Variants in ZNF75A observed in about 807,000 individuals in gnomAD.
ZNF75A encodes zinc finger protein 75A.
ZNF75A carries 36 observed loss-of-function variants against 46.3 expected under a neutral mutation model. The ratio of observed to expected loss-of-function variants is 0.78; its 90% CI spans 0.60 to 1.03. The LOEUF is 1.03. Among genes scored for constraint, ZNF75A ranks in the 50% least tolerant of loss-of-function variants. The probability of loss-of-function intolerance (pLI) is 0.00; values close to 1 mark genes in which losing one functional copy is unlikely to be tolerated. For synonymous variants in ZNF75A, 234 were observed against 189.9 expected (o/e 1.23, Z -1.91); for missense variants, 595 against 551.3 (o/e 1.08, Z -0.79).
intron 1 of ZNF75A, chr16:3,306,161 C>T (rs1960211123): frequency 6.6e-6 from 1 of 152,176 alleles, no homozygotes; most frequent in Non-Finnish European, 1.5e-5. Context: ...TTTCTGCTGG[C>T]TCACTTCAGG....
At chr16:3,315,777 C>T (rs1961162615) in intron 5 of ZNF75A, among the ~76,000 whole-genome samples, 1 of 152,202 alleles carries the variant, frequency 6.6e-6, no homozygotes, top group East Asian at 1.9e-4. Flanking sequence ...TTCCTTGTTT[C>T]AGAAGCCTGT....
intron 5 of ZNF75A, among the ~76,000 whole-genome samples, chr16:3,315,422 C>T (rs1289076292): frequency 6.6e-6 from 1 of 152,106 alleles, no homozygotes; most frequent in East Asian, 1.9e-4. Flanking sequence ...GTCTCCATCT[C>T]CTGACCTTGT....
In ZNF75A at chr16:3,318,022, T is replaced by A; in HGVS notation, c.*153T>A. 7.0e-7 allele frequency: 1 copy of A among 1,418,892 alleles called. No homozygotes were observed. Among genetic ancestry groups the A allele is most frequent in the Non-Finnish European group, 9.1e-7 (1 of 1,093,562 alleles). 87.9% of individuals were successfully genotyped at this position (1,418,892 alleles called of 1,614,324 possible). A position where few individuals can be genotyped will look rare whatever the true frequency, so the allele number is the denominator to read the frequency against. On this transcript the variant is annotated 3_prime_UTR_variant, in exon 7 of 7. Transcript: ENST00000669516. ...TTCACAGAAAATAATCAAGACTTGC[T>A]CTGCAGCCACTCAGTAGTCTTCTGT...
Position 3,308,766 on chromosome 16 carries a change from C to A in ZNF75A, c.338C>A (p.Pro113Gln). The change falls in exon 2 of 7, where the codon CCA becomes CAA. Residue 113 changes from proline (P) to glutamine (Q), a missense_variant. By Grantham distance (76) the Pro-to-Gln change is moderately conservative. Coordinates refer to ENST00000669516, the MANE Select transcript of ZNF75A (RefSeq NM_001302109.2). ...ETQTQMQKHHPQSIEEAVALV... is the reference protein window; with the variant it reads ...ETQTQMQKHHQQSIEEAVALV... Reference sequence around the variant, plus strand: ...CAGACCCAGATGCAGAAGCACCATCCACAGAGCATTGAGGAGGCTGTGGCT... The same window carrying A: ...CAGACCCAGATGCAGAAGCACCATCAACAGAGCATTGAGGAGGCTGTGGCT... The A allele has an allele frequency of 1.0e-6, 1 of 987,464 alleles. No individual in the cohort carries two copies. Among genetic ancestry groups the A allele is most frequent in the South Asian group, 4.6e-5 (1 of 21,844 alleles). 61.2% of individuals were successfully genotyped at this position (987,464 alleles called of 1,614,324 possible). A position where few individuals can be genotyped will look rare whatever the true frequency, so the allele number is the denominator to read the frequency against.
intron 2 of ZNF75A, chr16:3,310,500 C>T (rs776335884): frequency 6.8e-5 from 12 of 176,814 alleles, no homozygotes; most frequent in Non-Finnish European, 1.1e-4. Context: ...TGGCGTGTGC[C>T]TGTAGTCCCA....
downstream of ZNF75A, among the ~76,000 whole-genome samples, chr16:3,319,965 T>C (rs1666555977): frequency 6.6e-6 from 1 of 152,162 alleles, no homozygotes; most frequent in Non-Finnish European, 1.5e-5. Context: ...TAGTGAACTT[T>C]GTGAGAACAA....
Position 3,318,407 on chromosome 16 carries a change from A to T in ZNF75A, c.*538A>T, listed in dbSNP as rs945342502. On this transcript the variant is annotated 3_prime_UTR_variant, in exon 7 of 7. Transcript: ENST00000669516. ...GAAATCTTGTTAACCACCACTAGGGAATCTCCAGATGAACTATTAATGCAC... is the reference window on the plus strand; with the variant it reads ...GAAATCTTGTTAACCACCACTAGGGTATCTCCAGATGAACTATTAATGCAC... 25 of 986,798 alleles carry T rather than the reference A, an allele frequency of 2.5e-5. No individual in the cohort carries two copies. The highest frequency in any genetic ancestry group is 3.0e-5 in the Non-Finnish European group (25 of 830,930). The allele number at this position is 986,798 out of a possible 1,614,324, so 61.1% of individuals were successfully genotyped here.
rs1310963416 is a variant in ZNF75A at position 3,317,903 on chromosome 16, C to T, written c.*34C>T. 1 of 1,531,980 alleles carries T rather than the reference C, an allele frequency of 6.5e-7. No individual in the cohort carries two copies. The highest frequency in any genetic ancestry group is 1.4e-5 in the African/African-American group (1 of 71,698). 94.9% of individuals were successfully genotyped at this position (1,531,980 alleles called of 1,614,324 possible). On this transcript the variant is annotated 3_prime_UTR_variant, in exon 7 of 7. Transcript: ENST00000669516. ...TTGTCCAGTGTCCTCATTCTGAAGACATTCACCAAATGGAGCTTGGCACTA... is the reference window on the plus strand; with the variant it reads ...TTGTCCAGTGTCCTCATTCTGAAGATATTCACCAAATGGAGCTTGGCACTA...
Position 3,308,576 on chromosome 16 carries a change from C to G in ZNF75A, c.148C>G (p.His50Asp), listed in dbSNP as rs1033669912. The change falls in exon 2 of 7, where the codon CAC (histidine) becomes GAC (aspartate). Residue 50 changes from histidine (H) to aspartate (D), a missense_variant. By Grantham distance (81) the His-to-Asp change is moderately conservative. Transcript: ENST00000669516. The part of the protein sequence containing the change: ...DCLDPKSSCW[H>D]FRNFTYDEAG... ...TCTCGATCCTAAGAGCTCTTGCTGG[C>G]ACTTCCGGAATTTCACCTATGATGA... is the stretch of plus-strand genomic sequence containing the variant. 2 of 985,944 alleles carry G rather than the reference C, an allele frequency of 2.0e-6. No homozygotes were observed. Among genetic ancestry groups the G allele is most frequent in the Non-Finnish European group, 2.4e-6 (2 of 829,992 alleles). 61.1% of individuals were successfully genotyped at this position (985,944 alleles called of 1,614,324 possible).
At chr16:3,309,451 C>CAAAAAAA (rs56710056) in intron 2 of ZNF75A, 1 of 112,352 alleles carries the variant, frequency 8.9e-6, no homozygotes, top group East Asian at 2.6e-4. Flanking sequence ...CTCCATCTCA[C>CAAAAAAA]AAAAAAAAAA....
intron 5 of ZNF75A, 73 bp from the exon 6 acceptor site, chr16:3,316,839 A>C (rs1035913317): frequency 2.0e-6 from 2 of 1,018,240 alleles, no homozygotes; most frequent in South Asian, 2.9e-5. Flanking sequence ...GGTCATCCTG[A>C]AACAGTCTGG....
chr16:3,309,943 A>G (rs1482628157), intron 2 of ZNF75A, among the ~76,000 whole-genome samples: 1 of 151,752 alleles, frequency 6.6e-6, no homozygotes, highest in Admixed American at 6.6e-5. Context: ...AAAAAAAAAG[A>G]AAATAAGCCA....
downstream of ZNF75A, among the ~76,000 whole-genome samples, chr16:3,319,840 C>T (rs1295090796): frequency 4.0e-5 from 6 of 150,306 alleles, no homozygotes; most frequent in Non-Finnish European, 5.9e-5. Context: ...CAGTGCTCTC[C>T]TTTCCTGCCT....
At chr16:3,323,323 TCTC>T, downstream of ZNF75A, 5 of 1,095,078 alleles carry the variant, frequency 4.6e-6, no homozygotes, top group Non-Finnish European at 6.9e-6. Context: ...AACCATGAGA[TCTC>T]CTGGAAATGC....
intron 2 of ZNF75A, among the ~76,000 whole-genome samples, chr16:3,311,437 CAA>C (rs60757185): frequency 0.042 from 4,696 of 112,144 alleles, 270 homozygotes; most frequent in African/African-American, 0.13. Flanking sequence ...AAACTCATCT[CAA>C]AAAAAAAAAA....
downstream of ZNF75A, among the ~76,000 whole-genome samples, chr16:3,320,252 G>A (rs1251077692): frequency 1.3e-5 from 2 of 152,174 alleles, no homozygotes; most frequent in Admixed American, 6.5e-5. Flanking sequence ...CACCTTGTTA[G>A]CCAGGATGGT....
downstream of ZNF75A, among the ~76,000 whole-genome samples, chr16:3,321,447 G>C (rs980169354): frequency 4.6e-5 from 7 of 152,130 alleles, no homozygotes; most frequent in Admixed American, 3.3e-4. Flanking sequence ...AGTTCTCCCT[G>C]CCGTTAAGCA....
At position 3,313,823 on chromosome 16, in the gene ZNF75A, A is replaced by C. The variant is rs193289179; in HGVS notation, c.823+648A>C. On this transcript the variant is annotated intron_variant, in intron 5 of 6. Transcript: ENST00000669516. The stretch of plus-strand genomic sequence containing the variant: ...TCTGATATTACCAGGGCTCCAGGAC[A>C]CTCTACAGTCTGGTTCCTGCTCATC... Among the ~76,000 whole-genome samples, 60 of 152,198 alleles carry C rather than the reference A, an allele frequency of 3.9e-4. No homozygotes were observed. In the South Asian group the frequency reaches 4.4e-3, roughly 11 times the overall value.
At chr16:3,315,193 T>G (rs1037354669) in intron 5 of ZNF75A, 62 of 634,794 alleles carry the variant, frequency 9.8e-5, no homozygotes, top group East Asian at 4.2e-4. Flanking sequence ...GTCATGTTTT[T>G]TTTTTTTTTT....
Sources: gnomAD v4.1 joint callset for allele counts (sites outside exome capture counted in the v4.1 genomes callset) on GRCh38, gnomAD v4.1.1 for gene constraint, MANE v1.5 for transcripts, NCBI Gene and HGNC (gene_info 2026-07-23, HGNC 2026-07-21) for gene names.